Variants in SEC14L5 observed in about 807,000 individuals in gnomAD.
The protein encoded by SEC14L5 is SEC14-like protein 5.
A neutral mutation model predicts 84.6 loss-of-function variants in SEC14L5; 96 were observed. That is an observed-to-expected ratio of 1.13 (90% CI 0.96 to 1.34). The LOEUF (loss-of-function observed/expected upper bound fraction) is 1.34, where lower values mean the gene tolerates loss of function less well. Among genes scored for constraint, SEC14L5 ranks in the 40% most tolerant of loss-of-function variants. SEC14L5 has a pLI of 0.00. For missense variants in SEC14L5, 1,224 were observed against 942.5 expected, an observed-to-expected ratio of 1.30 and a Z score of -3.91; for synonymous variants, 546 against 383.4, an observed-to-expected ratio of 1.42 and a Z score of -4.95.
rs531179055 is a variant in SEC14L5 at position 4,990,980 on chromosome 16, C to T, written c.474+85C>T. The T allele has an allele frequency of 6.1e-5, 70 of 1,141,200 alleles. No homozygotes were observed. In the South Asian group the frequency reaches 1.1e-3, roughly 17 times the overall value. The allele number at this position is 1,141,200 out of a possible 1,614,324, so 70.7% of individuals were successfully genotyped here. On this transcript the variant is annotated intron_variant, in intron 5 of 15. Transcript: ENST00000251170. ...CAGCTGCATGACCCCTGGCAAGACC[C>T]TTACCCTTCCTGGGCTCAGTGTTAT...
chr16:4,989,671 C>A (rs1467070898), intron 4 of SEC14L5, among the ~76,000 whole-genome samples: 1 of 152,198 alleles, frequency 6.6e-6, no homozygotes, highest in Admixed American at 6.5e-5. Context: ...TTCTACGCCT[C>A]CAACTCCTCT....
chr16:5,007,485 A>G lies in SEC14L5; in HGVS notation c.1571A>G (p.Glu524Gly). ...SASVLRGAPHEVAVEILEGES... is the reference protein window; with the variant it reads ...SASVLRGAPHGVAVEILEGES... ...AGCGTGCTCCGCGGAGCCCCCCACG[A>G]GGTGCCAGGGCCTGGCCGGGGAGGG... is the stretch of plus-strand genomic sequence containing the variant. The change falls in exon 13 of 16, where the codon GAG (glutamate) becomes GGG (glycine). Residue 524 changes from glutamate (E) to glycine (G), a missense_variant and splice_region_variant. Physicochemically the swap from Glu to Gly is moderately conservative, Grantham distance 98 (BLOSUM62 -2). Transcript: ENST00000251170. The G allele has an allele frequency of 5.0e-6, 8 of 1,612,876 alleles. No individual in the cohort carries two copies. Among genetic ancestry groups the G allele is most frequent in the Non-Finnish European group, 5.9e-6 (7 of 1,179,604 alleles).
At chr16:4,994,174 C>G (rs1489978223) in intron 6 of SEC14L5, among the ~76,000 whole-genome samples, 6 of 151,984 alleles carry the variant, frequency 3.9e-5, no homozygotes, top group African/African-American at 1.4e-4. Context: ...GTATGTACAC[C>G]ACAAATCCAG....
chr16:4,975,021 G>A lies in SEC14L5; in HGVS notation c.64-12536G>A, dbSNP rs780617644. On this transcript the variant is annotated intron_variant, in intron 2 of 15. Coordinates refer to ENST00000251170, the MANE Select transcript of SEC14L5 (RefSeq NM_014692.2). ...TCAAACTCCTGACCTCAAGTAATCC[G>A]CCCACCTCAGCCTCCCAAAGTCCTG... Among the ~76,000 whole-genome samples, 105 of 151,896 alleles carry A rather than the reference G, an allele frequency of 6.9e-4. 1 individual carries two copies. The highest frequency in any genetic ancestry group is 3.4e-3 in the Middle Eastern group (1 of 294).
intron 2 of SEC14L5, among the ~76,000 whole-genome samples, chr16:4,961,338 T>C (rs1955118783): frequency 6.6e-6 from 1 of 152,198 alleles, no homozygotes; most frequent in African/African-American, 2.4e-5. Flanking sequence ...CATTTTCTTT[T>C]ACTTTTTCCA....
intron 2 of SEC14L5, 108 bp from the exon 3 acceptor site, chr16:4,987,449 G>A: frequency 6.3e-6 from 6 of 949,508 alleles, no homozygotes; most frequent in Non-Finnish European, 9.1e-6. Context: ...AGTGGCCAGG[G>A]CTGCCTTTCC....
chr16:4,991,751 C>T (rs1458833776), intron 5 of SEC14L5, 87 bp from the exon 6 acceptor site: 5 of 852,462 alleles, frequency 5.9e-6, no homozygotes, highest in Non-Finnish European at 8.8e-6. Context: ...GGACCTGAGC[C>T]GGCTGGGGGT....
intron 2 of SEC14L5, among the ~76,000 whole-genome samples, chr16:4,971,200 T>A (rs937632104): frequency 5.9e-5 from 9 of 152,090 alleles, no homozygotes; most frequent in Non-Finnish European, 1.3e-4. Flanking sequence ...CTTACGCCTA[T>A]AATCGTAGCA....
At chr16:4,959,784 T>G (rs990856381) in intron 2 of SEC14L5, among the ~76,000 whole-genome samples, 1 of 152,198 alleles carries the variant, frequency 6.6e-6, no homozygotes, top group Non-Finnish European at 1.5e-5. Context: ...CAGATGATGT[T>G]TCTTCCAATT....
In SEC14L5 at chr16:4,997,146, T is replaced by G. The variant is rs28532492; in HGVS notation, c.970+102T>G. 3,511 of 799,762 alleles carry G rather than the reference T, an allele frequency of 4.4e-3. 87 individuals are homozygous for G. In the African/African-American group the frequency reaches 0.057, roughly 13 times the overall value. 49.5% of individuals were successfully genotyped at this position (799,762 alleles called of 1,614,324 possible). On this transcript the variant is annotated intron_variant, in intron 8 of 15. Coordinates refer to ENST00000251170, the MANE Select transcript of SEC14L5 (RefSeq NM_014692.2). Reference sequence around the variant, plus strand: ...TGGGGTCTCACTCTGTCACCCAGGCTGGAGTGCAGTGGTGCCATCTCGGCT... The same window carrying G: ...TGGGGTCTCACTCTGTCACCCAGGCGGGAGTGCAGTGGTGCCATCTCGGCT...
chr16:4,997,333 C>G (rs1055807738), intron 8 of SEC14L5, among the ~76,000 whole-genome samples: 3 of 152,368 alleles, frequency 2.0e-5, no homozygotes, highest in African/African-American at 7.2e-5. Context: ...TTCCTAATCT[C>G]AAGTGATCTA....
chr16:5,011,336 A>T (rs1375244517), intron 15 of SEC14L5, 63 bp downstream of exon 15: 78 of 1,513,670 alleles, frequency 5.2e-5, no homozygotes, highest in Non-Finnish European at 6.7e-5. Flanking sequence ...GACAATGCAG[A>T]TGCCTGGCCT....
chr16:4,994,412 C>G (rs555428083), intron 6 of SEC14L5, among the ~76,000 whole-genome samples: 9 of 151,894 alleles, frequency 5.9e-5, no homozygotes, highest in Non-Finnish European at 1.2e-4. Context: ...GGTGTGATCT[C>G]AGCTCACTGC....
At chr16:5,002,677 G>A (rs898168559) in intron 10 of SEC14L5, among the ~76,000 whole-genome samples, 1 of 152,138 alleles carries the variant, frequency 6.6e-6, no homozygotes, top group Non-Finnish European at 1.5e-5. Context: ...AAATCTGGGA[G>A]GTGGAGGCTC....
chr16:5,011,031 C>A, intron 14 of SEC14L5, 64 bp from the exon 15 acceptor site: 1 of 1,483,430 alleles, frequency 6.7e-7, no homozygotes. Context: ...CCCATGAAGG[C>A]TCAGCCTCCT....
chr16:5,010,188 C>CAAAAAAAA (rs59942135), intron 14 of SEC14L5, among the ~76,000 whole-genome samples: 32 of 43,648 alleles, frequency 7.3e-4, no homozygotes, highest in East Asian at 2.9e-3. Flanking sequence ...ACTAAAAATA[C>CAAAAAAAA]AAAAAAAAAA....
At chr16:4,997,216 A>C (rs1955622503) in intron 8 of SEC14L5, among the ~76,000 whole-genome samples, 172 bp downstream of exon 8, 1 of 152,152 alleles carries the variant, frequency 6.6e-6, no homozygotes, top group Admixed American at 6.5e-5. Flanking sequence ...CTCCTGCCTC[A>C]GCCTCCCCAG....
intron 6 of SEC14L5, among the ~76,000 whole-genome samples, chr16:4,993,649 T>G (rs1220856542): frequency 9.9e-5 from 15 of 152,228 alleles, no homozygotes; most frequent in Admixed American, 9.8e-4. Flanking sequence ...TGTGAGTACT[T>G]AATAATTTTT....
intron 8 of SEC14L5, among the ~76,000 whole-genome samples, chr16:4,997,851 C>T (rs1168359154): frequency 6.6e-6 from 1 of 152,084 alleles, no homozygotes; most frequent in Non-Finnish European, 1.5e-5. Context: ...CTGCCTCTCT[C>T]TTCACATGGC....
Sources: allele counts gnomAD v4.1 joint callset (sites outside exome capture counted in the v4.1 genomes callset), GRCh38; gene constraint gnomAD v4.1.1; transcripts MANE v1.5; gene names NCBI Gene and HGNC (gene_info 2026-07-23, HGNC 2026-07-21).